XPNPEP1: variants seen among roughly 807,000 people sequenced by gnomAD.
The protein encoded by XPNPEP1 is X-prolyl aminopeptidase 1, also known as xaa-Pro aminopeptidase 1.
XPNPEP1 carries 39 observed loss-of-function variants against 92.4 expected under a neutral mutation model. That is an observed-to-expected ratio of 0.42 (90% CI 0.33 to 0.55). The LOEUF (loss-of-function observed/expected upper bound fraction) is 0.55, where lower values mean the gene tolerates loss of function less well. XPNPEP1 is among the 20% of genes least tolerant of loss of function. The probability of loss-of-function intolerance (pLI) is 0.08; values close to 1 mark genes in which losing one functional copy is unlikely to be tolerated. For synonymous variants in XPNPEP1, 307 were observed against 299.4 expected (o/e 1.03, Z -0.26); for missense variants, 654 against 856.1 (o/e 0.76, Z 2.95).
chr10:109,908,431 C>T (rs555856590), intron 2 of XPNPEP1, among the ~76,000 whole-genome samples: 10 of 152,152 alleles, frequency 6.6e-5, no homozygotes, highest in African/African-American at 2.2e-4. Context: ...GGTGAAACCC[C>T]GTCTCTACAA....
chr10:109,909,123 T>C (rs1394900665), intron 2 of XPNPEP1, among the ~76,000 whole-genome samples: 1 of 151,856 alleles, frequency 6.6e-6, no homozygotes, highest in East Asian at 1.9e-4. Context: ...ACAAAAAAGT[T>C]AGCCAGGCGT....
At position 109,886,354 on chromosome 10, in the gene XPNPEP1, A is replaced by C. The variant is rs758244497; in HGVS notation, c.653-13T>G. 9.9e-6 allele frequency: 16 copies of C among 1,613,046 alleles called. No homozygotes were observed. The highest frequency in any genetic ancestry group is 1.4e-5 in the Non-Finnish European group (16 of 1,179,388). Reference sequence around the variant, plus strand: ...TTCCAGGAGATGCCTGCAAGAAACAAATGTGCTTTAACTCCAGCCCTGGTC... The same window carrying C: ...TTCCAGGAGATGCCTGCAAGAAACACATGTGCTTTAACTCCAGCCCTGGTC... On this transcript the variant is annotated splice_polypyrimidine_tract_variant and intron_variant, in intron 7 of 20. Coordinates refer to ENST00000502935, the MANE Select transcript of XPNPEP1 (RefSeq NM_020383.4).
intron 17 of XPNPEP1, 45 bp from the exon 18 acceptor site, chr10:109,870,949 T>C (rs1847432501): frequency 6.4e-7 from 1 of 1,572,958 alleles, no homozygotes; most frequent in African/African-American, 1.4e-5. Context: ...TACAGCGCTT[T>C]AGAGATTAAA....
chr10:109,869,271 G>A (rs954990253), intron 19 of XPNPEP1, among the ~76,000 whole-genome samples: 11 of 152,198 alleles, frequency 7.2e-5, no homozygotes, highest in African/African-American at 2.7e-4. Flanking sequence ...GATCCCCGCA[G>A]TTAACCTCCT....
Position 109,871,174 on chromosome 10 carries a change from G to A in XPNPEP1, c.1523-270C>T, listed in dbSNP as rs1045716451. 5 of 321,490 alleles carry A rather than the reference G, an allele frequency of 1.6e-5. No homozygotes were observed. In the South Asian group the frequency reaches 1.9e-4, roughly 12 times the overall value. 19.9% of individuals were successfully genotyped at this position (321,490 alleles called of 1,614,324 possible). A position where few individuals can be genotyped will look rare whatever the true frequency, so the allele number is the denominator to read the frequency against. Reference sequence around the variant, plus strand: ...CACAGAGGCCGTATCAGACATGGACGTTCCCTTGCCAGCTCTGCGACCCTA... The same window carrying A: ...CACAGAGGCCGTATCAGACATGGACATTCCCTTGCCAGCTCTGCGACCCTA... On this transcript the variant is annotated intron_variant, in intron 17 of 20. Transcript: ENST00000502935.
At position 109,873,569 on chromosome 10, in the gene XPNPEP1, T is replaced by A. The variant is rs149937586; in HGVS notation, c.1392-142A>T. On this transcript the variant is annotated intron_variant, in intron 15 of 20. Transcript: ENST00000502935. ...TAGCACAGCCATCTTTGCAAATAGT[T>A]CGCAGTTCCTTAAAAGGTTAAATAT... The A allele has an allele frequency of 1.4e-3, 1,225 of 889,430 alleles. 10 individuals are homozygous for A. The highest frequency in any genetic ancestry group is 8.0e-3 in the East Asian group (312 of 38,860). 55.1% of individuals were successfully genotyped at this position (889,430 alleles called of 1,614,324 possible).
At chr10:109,889,109 C>T (rs1848565585) in intron 5 of XPNPEP1, among the ~76,000 whole-genome samples, 1 of 152,244 alleles carries the variant, frequency 6.6e-6, no homozygotes, top group Non-Finnish European at 1.5e-5. Flanking sequence ...CATAACCAGC[C>T]TCTGAATAGA....
intron 14 of XPNPEP1, 56 bp from the exon 15 acceptor site, chr10:109,875,655 T>C (rs1847744247): frequency 1.3e-6 from 2 of 1,504,948 alleles, no homozygotes; most frequent in Non-Finnish European, 1.8e-6. Flanking sequence ...TTAGTGAATC[T>C]GGGAGGAGGA....
At chr10:109,893,275 G>A (rs911320742) in intron 3 of XPNPEP1, 200 bp from the exon 4 acceptor site, 7 of 499,946 alleles carry the variant, frequency 1.4e-5, no homozygotes, top group Non-Finnish European at 2.5e-5. Flanking sequence ...AGGGCAGAGA[G>A]AGCTGTTCCC....
At position 109,882,590 on chromosome 10, in the gene XPNPEP1, G is replaced by T; in HGVS notation, c.883C>A (p.Leu295Ile). The change falls in exon 10 of 21, where the codon CTT (leucine) becomes ATT (isoleucine). Residue 295 changes from leucine to isoleucine, a missense_variant. By Grantham distance (5) the Leu-to-Ile change is conservative (BLOSUM62 2). Transcript: ENST00000502935. Reference sequence around the variant, plus strand: ...TCGGCTTCCAGACCCAAGTCAAGAAGCAGGTGCTCCTTCACACTGGGGGCG... The same window carrying T: ...TCGGCTTCCAGACCCAAGTCAAGAATCAGGTGCTCCTTCACACTGGGGGCG... Reference protein sequence around the residue: ...IDAPSVKEHLLLDLGLEAEYR... With the variant: ...IDAPSVKEHLILDLGLEAEYR... The T allele has an allele frequency of 6.2e-7, 1 of 1,614,188 alleles. No homozygotes were observed. The highest frequency in any genetic ancestry group is 8.5e-7 in the Non-Finnish European group (1 of 1,180,028).
chr10:109,884,278 G>C, intron 8 of XPNPEP1, 130 bp from the exon 9 acceptor site: 1 of 855,066 alleles, frequency 1.2e-6, no homozygotes, highest in Non-Finnish European at 1.8e-6. Context: ...CGCACAGAAA[G>C]GCTGGAAGCC....
intron 1 of XPNPEP1, among the ~76,000 whole-genome samples, chr10:109,917,106 T>C (rs1010164824): frequency 2.7e-5 from 4 of 149,650 alleles, no homozygotes; most frequent in African/African-American, 1.0e-4. Context: ...GGCATTTCTA[T>C]TCAACATTGT....
intron 2 of XPNPEP1, among the ~76,000 whole-genome samples, chr10:109,910,463 G>A (rs1339804488): frequency 2.0e-5 from 3 of 150,254 alleles, no homozygotes; most frequent in Admixed American, 1.3e-4. Flanking sequence ...AGAATTGCTC[G>A]AACACAGGAA....
chr10:109,913,290 T>C (rs527442658), intron 2 of XPNPEP1, among the ~76,000 whole-genome samples: 1 of 152,224 alleles, frequency 6.6e-6, no homozygotes, highest in Non-Finnish European at 1.5e-5. Flanking sequence ...AACATGATAA[T>C]GTGTGTGAAA....
intron 3 of XPNPEP1, chr10:109,893,406 T>C (rs1848810581): frequency 4.6e-6 from 1 of 216,180 alleles, no homozygotes; most frequent in African/African-American, 2.3e-5. Context: ...CTCCCCTCCT[T>C]GCCACTGACA....
chr10:109,888,295 C>A, intron 6 of XPNPEP1, 103 bp from the exon 7 acceptor site: 1 of 1,478,820 alleles, frequency 6.8e-7, no homozygotes, highest in Non-Finnish European at 9.0e-7. Context: ...GTGGTCCTGC[C>A]ATGGCCCAGA....
At chr10:109,914,942 C>T in intron 2 of XPNPEP1, 69 bp downstream of exon 2, 1 of 977,524 alleles carries the variant, frequency 1.0e-6, no homozygotes, top group Non-Finnish European at 1.5e-6. Flanking sequence ...TCTCACCCAA[C>T]CTGGGGTTGG....
intron 6 of XPNPEP1, 33 bp from the exon 7 acceptor site, chr10:109,888,225 C>G: frequency 6.2e-7 from 1 of 1,601,200 alleles, no homozygotes; most frequent in Non-Finnish European, 8.5e-7. Context: ...AGCCATGAGC[C>G]GAACGCCCAT....
At chr10:109,910,324 C>A (rs1849797382) in intron 2 of XPNPEP1, among the ~76,000 whole-genome samples, 1 of 152,200 alleles carries the variant, frequency 6.6e-6, no homozygotes, top group South Asian at 2.1e-4. Flanking sequence ...GCTAGTGGAT[C>A]ACCTGAGGTT....
Sources: gnomAD v4.1 joint callset for allele counts (sites outside exome capture counted in the v4.1 genomes callset) on GRCh38, gnomAD v4.1.1 for gene constraint, MANE v1.5 for transcripts, NCBI Gene and HGNC (gene_info 2026-07-23, HGNC 2026-07-21) for gene names.